The following FAM78B variants were observed in gnomAD, a reference collection of about 807,000 sequenced individuals.
The protein encoded by FAM78B is protein FAM78B.
In FAM78B, 10 loss-of-function variants were observed where a neutral mutation model predicts 20.0. The ratio of observed to expected loss-of-function variants is 0.50; its 90% confidence interval spans 0.31 to 0.85. The LOEUF (loss-of-function observed/expected upper bound fraction) is 0.85, where lower values mean the gene tolerates loss of function less well. Among genes scored for constraint, FAM78B ranks in the 40% least tolerant of loss-of-function variants. The pLI, the probability that FAM78B is intolerant of heterozygous loss-of-function variation, is 0.05. For synonymous variants in FAM78B, 135 were observed against 132.8 expected (o/e 1.02, Z -0.12); for missense variants, 283 against 345.0 (o/e 0.82, Z 1.42).
At position 166,142,318 on chromosome 1, in the gene FAM78B, C is replaced by T. The variant is rs373208000; in HGVS notation, c.263+23668G>A. Among the ~76,000 whole-genome samples the T allele has an allele frequency of 7.2e-5, 11 of 152,332 alleles. No homozygotes were observed. The South Asian group carries it at 1.9e-3, about 26-fold the overall frequency. On this transcript the variant is annotated intron_variant, in intron 1 of 1. Coordinates refer to ENST00000354422, the MANE Select transcript of FAM78B (RefSeq NM_001017961.5). Reference sequence around the variant, plus strand: ...CTTCCAACCTAGACTCTCCCAGACTCTCCCTGTGCCCTAAGTCTTCTGGGT... The same window carrying T: ...CTTCCAACCTAGACTCTCCCAGACTTTCCCTGTGCCCTAAGTCTTCTGGGT...
chr1:166,130,040 C>T (rs966671450), intron 1 of FAM78B, among the ~76,000 whole-genome samples: 5 of 152,234 alleles, frequency 3.3e-5, no homozygotes, highest in Admixed American at 6.5e-5. Flanking sequence ...CAGCCTATCT[C>T]TGTCTACTGA....
intron 1 of FAM78B, among the ~76,000 whole-genome samples, chr1:166,117,950 T>C (rs979735018): frequency 2.0e-5 from 3 of 151,884 alleles, no homozygotes; most frequent in South Asian, 2.1e-4. Context: ...CATGACGCAA[T>C]TGGGAGGGGC....
intron 1 of FAM78B, among the ~76,000 whole-genome samples, chr1:166,077,863 TATATATATAATTATATATATAATAA>T (rs1557890843): frequency 0.099 from 3,549 of 35,830 alleles, 322 homozygotes; most frequent in Non-Finnish European, 0.18. Context: ...ATATATAATT[TATATATATAATTATATATATAATAA>T]ATATATATAA....
At chr1:166,158,341 A>C (rs1009749193) in intron 1 of FAM78B, among the ~76,000 whole-genome samples, 1 of 152,204 alleles carries the variant, frequency 6.6e-6, no homozygotes, top group African/African-American at 2.4e-5. Context: ...CGGATAGATA[A>C]ATAAATAAAT....
intron 1 of FAM78B, among the ~76,000 whole-genome samples, chr1:166,125,872 G>A (rs1434115956): frequency 1.0e-4 from 13 of 126,126 alleles, no homozygotes; most frequent in African/African-American, 3.6e-4. Flanking sequence ...TTGCTCTGTC[G>A]CCAGGCTGGA....
At chr1:166,148,126 G>A (rs1655534459) in intron 1 of FAM78B, among the ~76,000 whole-genome samples, 1 of 152,206 alleles carries the variant, frequency 6.6e-6, no homozygotes, top group African/African-American at 2.4e-5. Context: ...ACAGATGAAT[G>A]CAAAGTAAGA....
At chr1:166,080,701 C>T (rs977079438) in intron 1 of FAM78B, among the ~76,000 whole-genome samples, 11 of 152,236 alleles carry the variant, frequency 7.2e-5, no homozygotes, top group African/African-American at 2.7e-4. Flanking sequence ...AGCATTGAGG[C>T]TTTTCATCTA....
At chr1:166,158,723 A>G (rs1463805854) in intron 1 of FAM78B, among the ~76,000 whole-genome samples, 1 of 152,262 alleles carries the variant, frequency 6.6e-6, no homozygotes, top group Non-Finnish European at 1.5e-5. Flanking sequence ...ATTAGTGAGA[A>G]TAAGAGGCAA....
intron 1 of FAM78B, chr1:166,165,079 T>C (rs1358783235): frequency 6.6e-6 from 1 of 152,148 alleles, no homozygotes; most frequent in Non-Finnish European, 1.5e-5. Flanking sequence ...CGGCGATCCT[T>C]GGTCTTCACC....
chr1:166,060,485 A>G, exon 3 of FAM78B: 1 of 680,782 alleles, frequency 1.5e-6, no homozygotes, highest in Non-Finnish European at 2.3e-6. Flanking sequence ...GGTGGGTAGG[A>G]GGGACTGGTC....
In FAM78B at chr1:166,070,380, T is replaced by A; in HGVS notation, c.647A>T (p.Gln216Leu). ...GCTCAGGATCCGGGGCTGCTCCTGCTGAGTCCTGCCCACCAGCCGGGCCCG... is the reference window on the plus strand; with the variant it reads ...GCTCAGGATCCGGGGCTGCTCCTGCAGAGTCCTGCCCACCAGCCGGGCCCG... ...GQRARLVGRTQQEQPRILSRM... is the reference protein window; with the variant it reads ...GQRARLVGRTLQEQPRILSRM... Residue 216 changes from glutamine to leucine, a missense_variant, in exon 2 of 2, where the codon CAG (glutamine) becomes CTG (leucine). Coordinates refer to ENST00000354422, the MANE Select transcript of FAM78B (RefSeq NM_001017961.5). 4 of 1,614,058 alleles carry A rather than the reference T, an allele frequency of 2.5e-6. No individual in the cohort carries two copies. In the South Asian group the frequency reaches 3.3e-5, roughly 13 times the overall value.
chr1:166,163,388 GAAAAGTTTAC>G (rs1398176783), intron 1 of FAM78B, among the ~76,000 whole-genome samples: 2 of 152,156 alleles, frequency 1.3e-5, no homozygotes, highest in Non-Finnish European at 2.9e-5. Context: ...CCCCTTCTTG[GAAAAGTTTAC>G]AATTTAAACC....
At chr1:166,153,136 G>A (rs1217153061) in intron 1 of FAM78B, among the ~76,000 whole-genome samples, 1 of 152,210 alleles carries the variant, frequency 6.6e-6, no homozygotes, top group African/African-American at 2.4e-5. Flanking sequence ...TGGAGGCAAC[G>A]TGGAAGACAG....
At position 166,109,814 on chromosome 1, in the gene FAM78B, G is replaced by GTATATATATATATATATATATA. The variant is rs201957585; in HGVS notation, c.264-39052_264-39051insTATATATATATATATATATATA. 1.5e-4 allele frequency among the ~76,000 whole-genome samples: 5 copies of GTATATATATATATATATATATA among 32,644 alleles called. 1 individual carries two copies. The highest frequency in any genetic ancestry group is 8.0e-4 in the East Asian group (1 of 1,246). The allele number at this position is 32,644 out of a possible 152,430, so 21.4% of individuals were successfully genotyped here. A position where few individuals can be genotyped will look rare whatever the true frequency, so the allele number is the denominator to read the frequency against. On this transcript the variant is annotated intron_variant, in intron 1 of 1. Transcript: ENST00000354422. ...GAAACTGTGATATATATGTATATAT[G>GTATATATATATATATATATATA]TATATATATATATATATGTATATAT...
At chr1:166,144,830 C>A (rs1469833655) in intron 1 of FAM78B, among the ~76,000 whole-genome samples, 2 of 152,176 alleles carry the variant, frequency 1.3e-5, no homozygotes, top group African/African-American at 2.4e-5. Context: ...CCTTTCTGTT[C>A]TTTACCATGG....
intron 2 of FAM78B, chr1:166,060,721 A>C (rs1251690800): frequency 7.5e-6 from 8 of 1,071,638 alleles, no homozygotes; most frequent in Non-Finnish European, 9.9e-6. Flanking sequence ...TGATCAAAGA[A>C]ATGTCATTCC....
intron 1 of FAM78B, among the ~76,000 whole-genome samples, chr1:166,071,227 A>C (rs533015089): frequency 7.2e-5 from 11 of 152,384 alleles, no homozygotes; most frequent in African/African-American, 2.6e-4. Context: ...GTTAAAGGTT[A>C]TATTAATTTC....
At chr1:166,084,418 CAGAG>C (rs1207586003) in intron 1 of FAM78B, among the ~76,000 whole-genome samples, 2 of 152,178 alleles carry the variant, frequency 1.3e-5, no homozygotes, top group Non-Finnish European at 2.9e-5. Flanking sequence ...ATCTATAAAA[CAGAG>C]AGTAGAATAA....
intron 2 of FAM78B, among the ~76,000 whole-genome samples, chr1:166,060,863 GGT>G (rs1651567046): frequency 6.6e-6 from 1 of 151,894 alleles, no homozygotes; most frequent in Admixed American, 6.6e-5. Context: ...ACTTTCATAT[GGT>G]TATTTTAAAA....
Sources: gnomAD v4.1 joint callset for allele counts (sites outside exome capture counted in the v4.1 genomes callset) on GRCh38, gnomAD v4.1.1 for gene constraint, MANE v1.5 for transcripts, NCBI Gene and HGNC (gene_info 2026-07-23, HGNC 2026-07-21) for gene names.